TCEAL4: variants seen among roughly 807,000 people sequenced by gnomAD.
TCEAL4 encodes the protein transcription elongation factor A like 4.
TCEAL4 carries 1 observed loss-of-function variant against 1.3 expected under a neutral mutation model. That is an observed-to-expected ratio of 0.79 (90% CI 0.28 to 3.76). The LOEUF (loss-of-function observed/expected upper bound fraction) is 3.76. Among genes scored for constraint, TCEAL4 ranks in the 30% most tolerant of loss-of-function variants. The probability of loss-of-function intolerance (pLI) is 0.18; values close to 1 mark genes in which losing one functional copy is unlikely to be tolerated. For synonymous variants in TCEAL4, 54 were observed against 50.7 expected (o/e 1.06, Z -0.28); for missense variants, 129 against 154.7 (o/e 0.83, Z 0.88).
chrX:103,584,777 A>G (rs1178696505), upstream of TCEAL4, among the ~76,000 whole-genome samples: 2 of 112,667 alleles, frequency 1.8e-5, no homozygotes, highest in Non-Finnish European at 3.7e-5. Flanking sequence ...CAAAGACTTC[A>G]GCTACGCTCT....
At position 103,586,927 on chromosome X, in the gene TCEAL4, G is replaced by A. The variant is rs1282199536; in HGVS notation, c.252G>A (p.Met84Ile). The A allele has an allele frequency of 1.7e-6, 2 of 1,205,323 alleles. No homozygotes were observed. Among genetic ancestry groups the A allele is most frequent in the Non-Finnish European group, 1.1e-6 (1 of 892,130 alleles). Residue 84 changes from methionine to isoleucine, a missense_variant, in exon 3 of 3, where the codon ATG (methionine) becomes ATA (isoleucine). Coordinates refer to ENST00000472484, the MANE Select transcript of TCEAL4 (RefSeq NM_001006935.3). ...CAGAGAGGGAGGGAGAGTCAGAGAT[G>A]GAGGGAGGATCAGAGAGAGAGGGAA... is the stretch of plus-strand genomic sequence containing the variant. The part of the protein sequence containing the change: ...GKSEREGESE[M>I]EGGSEREGKP...
rs773569149 is a variant in TCEAL4, at chrX:103,587,361, C to A, written c.*38C>A. 1.8e-5 allele frequency: 21 copies of A among 1,140,640 alleles called. No homozygotes were observed. In the South Asian group the frequency reaches 3.7e-4, roughly 20 times the overall value. The allele number at this position is 1,140,640 out of a possible 1,213,427, so 94.0% of individuals were successfully genotyped here. ...GCATTTACCAGGCCATGTGCTTTAA[C>A]GTTACGGTAATACTTTACTTTAGGC... is the stretch of plus-strand genomic sequence containing the variant. On this transcript the variant is annotated 3_prime_UTR_variant, in exon 3 of 3. Coordinates refer to ENST00000472484, the MANE Select transcript of TCEAL4 (RefSeq NM_001006935.3).
intron 1 of TCEAL4, 84 bp downstream of exon 1, chrX:103,585,708 G>A: frequency 1.7e-6 from 2 of 1,161,902 alleles, no homozygotes; most frequent in Non-Finnish European, 2.3e-6. Context: ...AAGGCTGGGG[G>A]TGGGGTCGGG....
At chrX:103,584,422 C>T (rs765871617), upstream of TCEAL4, among the ~76,000 whole-genome samples, 2 of 111,584 alleles carry the variant, frequency 1.8e-5, no homozygotes, top group East Asian at 5.6e-4. Flanking sequence ...TCAACGACAA[C>T]GGACAGCATA....
intron 2 of TCEAL4, among the ~76,000 whole-genome samples, chrX:103,577,837 A>C (rs2073491274): frequency 8.9e-6 from 1 of 112,025 alleles, no homozygotes; most frequent in Non-Finnish European, 1.9e-5. Flanking sequence ...ATTGAGATAT[A>C]ATTCTCATGC....
chrX:103,585,501 C>T (rs911852987), upstream of TCEAL4: 1 of 1,120,001 alleles, frequency 8.9e-7, no homozygotes, highest in African/African-American at 1.8e-5. Context: ...TGGGCTGCGG[C>T]ATTCACGTGA....
intron 2 of TCEAL4, among the ~76,000 whole-genome samples, chrX:103,579,019 G>A (rs749117752): frequency 8.9e-6 from 1 of 112,128 alleles, no homozygotes; most frequent in Non-Finnish European, 1.9e-5. Context: ...TAGATGGTGT[G>A]AAAAAGAGGC....
chrX:103,587,243 T>C lies in TCEAL4; in HGVS notation c.568T>C (p.Phe190Leu), dbSNP rs2073565151. ...GATGCAAAGAAATTTACAGGACCCC[T>C]TCTACCCTAGAGGTCCAAGGGAATT... is the stretch of plus-strand genomic sequence containing the variant. ...LWMQRNLQDP[F>L]YPRGPREFRG... Residue 190 changes from phenylalanine (F) to leucine (L), a missense_variant, in exon 3 of 3, where the codon TTC becomes CTC. Phe to Leu is a conservative substitution (Grantham distance 22, BLOSUM62 0). Coordinates refer to ENST00000472484, the MANE Select transcript of TCEAL4 (RefSeq NM_001006935.3). The C allele has an allele frequency of 8.3e-7, 1 of 1,208,451 alleles. No individual in the cohort carries two copies. The highest frequency in any genetic ancestry group is 1.1e-6 in the Non-Finnish European group (1 of 894,426).
At chrX:103,585,921 C>T in intron 1 of TCEAL4, 1 of 1,073,000 alleles carries the variant, frequency 9.3e-7, no homozygotes, top group African/African-American at 1.9e-5. Flanking sequence ...GGGGCCGCCC[C>T]AGTAGTGAGA....
At chrX:103,586,196 C>CCCTGTCT (rs1343238738) in intron 1 of TCEAL4, 23 bp from the exon 2 acceptor site, 1 of 1,165,543 alleles carries the variant, frequency 8.6e-7, no homozygotes, top group African/African-American at 1.8e-5. Context: ...CAGACCCTGC[C>CCCTGTCT]CCTGTCTCCT....
chrX:103,587,572 T>C lies in TCEAL4; in HGVS notation c.*249T>C, dbSNP rs748556604. On this transcript the variant is annotated 3_prime_UTR_variant, in exon 3 of 3. Coordinates refer to ENST00000472484, the MANE Select transcript of TCEAL4 (RefSeq NM_001006935.3). ...CTACAAAGATACTTACCTAGTAATATAGTATAGAAAACAATTCTGAAAGCT... is the reference window on the plus strand; with the variant it reads ...CTACAAAGATACTTACCTAGTAATACAGTATAGAAAACAATTCTGAAAGCT... 2.2e-4 allele frequency: 65 copies of C among 296,959 alleles called. No individual in the cohort carries two copies. Among genetic ancestry groups the C allele is most frequent in the South Asian group, 3.9e-4 (2 of 5,124 alleles). The allele number at this position is 296,959 out of a possible 1,213,427, so 24.5% of individuals were successfully genotyped here.
chrX:103,586,312 G>A (rs755411413), intron 2 of TCEAL4, 21 bp downstream of exon 2: 1 of 1,165,279 alleles, frequency 8.6e-7, no homozygotes, highest in Non-Finnish European at 1.1e-6. Flanking sequence ...GTACGGGGCT[G>A]CATGGACAGG....
Position 103,586,634 on chromosome X carries a change from A to AC in TCEAL4, c.-27-10dup. 1 of 1,195,590 alleles carries AC rather than the reference A, an allele frequency of 8.4e-7. No homozygotes were observed. The highest frequency in any genetic ancestry group is 1.1e-6 in the Non-Finnish European group (1 of 889,358). On this transcript the variant is annotated splice_polypyrimidine_tract_variant and intron_variant, in intron 2 of 2. Coordinates refer to ENST00000472484, the MANE Select transcript of TCEAL4 (RefSeq NM_001006935.3). ...CTCCTCTTTGTCTCCTCTTTCCTCC[A>AC]CCCCCATCCCCCAGGACAGGAAAAG...
At chrX:103,586,592 C>A in intron 2 of TCEAL4, 57 bp from the exon 3 acceptor site, 1 of 1,140,876 alleles carries the variant, frequency 8.8e-7, no homozygotes. Flanking sequence ...CCACCCCATG[C>A]ACTCAGTCTC....
At chrX:103,585,396 A>C, upstream of TCEAL4, 2 of 896,570 alleles carry the variant, frequency 2.2e-6, no homozygotes, top group Non-Finnish European at 2.9e-6. Context: ...AAAAAGGACA[A>C]AAGGGCCCAG....
chrX:103,583,265 G>A (rs777861854), upstream of TCEAL4, among the ~76,000 whole-genome samples: 65 of 112,340 alleles, frequency 5.8e-4, 1 homozygote, highest in African/African-American at 2.1e-3. Context: ...TACACTGTTG[G>A]TGGGAGTATA....
chrX:103,582,912 C>CA (rs199583790), upstream of TCEAL4, among the ~76,000 whole-genome samples: 1,545 of 111,845 alleles, frequency 0.014, 23 homozygotes, highest in African/African-American at 0.048. Context: ...TTCTACACAG[C>CA]AAACAAAACT....
chrX:103,584,783 GCT>G (rs2073526735), upstream of TCEAL4, among the ~76,000 whole-genome samples: 1 of 112,543 alleles, frequency 8.9e-6, no homozygotes, highest in Admixed American at 9.3e-5. Context: ...CTTCAGCTAC[GCT>G]CTGATTGGAT....
rs756903874 is a variant in TCEAL4, at chrX:103,576,476, G to A, written c.7G>A (p.Ala3Thr). 528 of 1,164,283 alleles carry A rather than the reference G, an allele frequency of 4.5e-4. 1 individual carries two copies. The highest frequency in any genetic ancestry group is 5.6e-4 in the Non-Finnish European group (490 of 872,006). Residue 3 changes from alanine to threonine, a missense_variant, in exon 1 of 5, where the codon GCT becomes ACT. Physicochemically the swap from Ala to Thr is moderately conservative, Grantham distance 58. Transcript: ENST00000372629. ...TCATGATGCTGAGGTCAAGATGCCA[G>A]CTGGAGGCCAGGCGCCGCAGCTCAC... is the stretch of plus-strand genomic sequence containing the variant.
Sources: gnomAD v4.1 joint callset for allele counts (sites outside exome capture counted in the v4.1 genomes callset) on GRCh38, gnomAD v4.1.1 for gene constraint, MANE v1.5 for transcripts, NCBI Gene and HGNC (gene_info 2026-07-23, HGNC 2026-07-21) for gene names.